The following STIP1 variants were observed in gnomAD, a reference collection of about 807,000 sequenced individuals.
The protein encoded by STIP1 is stress induced phosphoprotein 1, also known as stress-induced-phosphoprotein 1.
A neutral mutation model predicts 77.4 loss-of-function variants in STIP1; 16 were observed. The observed-to-expected ratio is 0.21, with a 90% CI of 0.14 to 0.31. The LOEUF (loss-of-function observed/expected upper bound fraction) is 0.31, where lower values mean the gene tolerates loss of function less well. STIP1 is among the 10% of genes least tolerant of loss of function. The pLI, the probability that STIP1 is intolerant of heterozygous loss-of-function variation, is 1.00. For synonymous variants in STIP1, 258 were observed against 246.6 expected (o/e 1.05, Z -0.44); for missense variants, 524 against 684.8 (o/e 0.77, Z 2.62).
At chr11:64,193,319 C>G in intron 2 of STIP1, 32 bp downstream of exon 2, 1 of 1,607,576 alleles carries the variant, frequency 6.2e-7, no homozygotes, top group Non-Finnish European at 8.5e-7. Context: ...GAGAGAGGCC[C>G]TTCAGACCCT....
chr11:64,186,526 G>A (rs576740712), intron 1 of STIP1: 62 of 310,418 alleles, frequency 2.0e-4, no homozygotes, highest in African/African-American at 1.3e-3. Flanking sequence ...GCTTGGGTGA[G>A]TCCGGCCGGC....
chr11:64,186,064 A>G (rs1591000175), upstream of STIP1: 2 of 1,547,224 alleles, frequency 1.3e-6, no homozygotes, highest in East Asian at 2.4e-5. Context: ...AAGGAAGTGG[A>G]GATGATGGGC....
In STIP1 at chr11:64,194,177, T is replaced by C. The variant is rs755665218; in HGVS notation, c.220-12T>C. On this transcript the variant is annotated splice_polypyrimidine_tract_variant and intron_variant, in intron 2 of 13. Coordinates refer to ENST00000305218, the MANE Select transcript of STIP1 (RefSeq NM_006819.3). Reference sequence around the variant, plus strand: ...GTGTTCTCTATTTTGTGTCTGTCTTTGGTGGTTTAAGGGCTATTCACGAAA... The same window carrying C: ...GTGTTCTCTATTTTGTGTCTGTCTTCGGTGGTTTAAGGGCTATTCACGAAA... The C allele has an allele frequency of 1.2e-6, 2 of 1,609,006 alleles. No individual in the cohort carries two copies. Among genetic ancestry groups the C allele is most frequent in the South Asian group, 2.2e-5 (2 of 89,626 alleles).
At chr11:64,194,107 G>A in intron 2 of STIP1, 82 bp from the exon 3 acceptor site, 1 of 1,541,798 alleles carries the variant, frequency 6.5e-7, no homozygotes, top group Non-Finnish European at 8.7e-7. Flanking sequence ...CCCCATAAAA[G>A]TAGAATTGTT....
intron 1 of STIP1, among the ~76,000 whole-genome samples, chr11:64,188,057 A>G (rs1031953828): frequency 4.8e-5 from 7 of 146,148 alleles, no homozygotes; most frequent in African/African-American, 7.4e-5. Context: ...AAAAAAAAAA[A>G]GGATCTCGGC....
rs1946160277 is a variant in STIP1, at chr11:64,197,197, TG to T, written c.673-73del. The stretch of plus-strand genomic sequence containing the variant: ...TTCATGTTAGTTGCATTTCAGAACT[TG>T]TGACAGATCATAGATTCTTGCTTTG... On this transcript the variant is annotated intron_variant, in intron 5 of 13. Transcript: ENST00000305218. The T allele has an allele frequency of 1.9e-6, 3 of 1,590,248 alleles. No homozygotes were observed. The Admixed American group carries it at 5.4e-5, about 28-fold the overall frequency.
chr11:64,199,447 C>CA (rs1203170406), intron 8 of STIP1, among the ~76,000 whole-genome samples: 2 of 143,096 alleles, frequency 1.4e-5, no homozygotes, highest in Non-Finnish European at 3.0e-5. Flanking sequence ...GCAGAGCTTG[C>CA]AGTGAGCCGA....
intron 5 of STIP1, among the ~76,000 whole-genome samples, chr11:64,196,569 A>G (rs1263691880): frequency 6.6e-6 from 1 of 152,024 alleles, no homozygotes; most frequent in Non-Finnish European, 1.5e-5. Context: ...CCTTGTCGTG[A>G]TCCGAAGAAT....
At chr11:64,203,907 AG>A in intron 13 of STIP1, 146 bp from the exon 14 acceptor site, 1 of 951,540 alleles carries the variant, frequency 1.1e-6, no homozygotes, top group Admixed American at 2.2e-5. Context: ...GAAGTGGAGC[AG>A]GCCTCTGCAG....
chr11:64,195,950 C>T, intron 5 of STIP1, 137 bp downstream of exon 5: 2 of 1,307,960 alleles, frequency 1.5e-6, no homozygotes, highest in Non-Finnish European at 2.1e-6. Context: ...CTGTGTTTCC[C>T]AGGTTGGTCT....
rs1946167315 is a variant in STIP1 at position 64,197,787 on chromosome 11, T to G, written c.903-67T>G. On this transcript the variant is annotated intron_variant, in intron 7 of 13. Coordinates refer to ENST00000305218, the MANE Select transcript of STIP1 (RefSeq NM_006819.3). ...ATGCGGGCCTTTCTAGCTGCAGGTG[T>G]GTTTTTCTGCAGGAGCTGACTTTAT... The G allele has an allele frequency of 3.8e-6, 6 of 1,585,830 alleles. No homozygotes were observed. In the South Asian group the frequency reaches 4.6e-5, roughly 12 times the overall value.
chr11:64,200,535 GTGTGTGTGTA>G (rs1027455643), intron 10 of STIP1, among the ~76,000 whole-genome samples: 11 of 151,538 alleles, frequency 7.3e-5, no homozygotes, highest in Non-Finnish European at 1.2e-4. Context: ...TTATAGGGGT[GTGTGTGTGTA>G]TGTGTGTGTG....
intron 5 of STIP1, chr11:64,197,052 TGGAAA>T: frequency 1.7e-6 from 1 of 580,756 alleles, no homozygotes; most frequent in Non-Finnish European, 3.0e-6. Context: ...GGAGAGTAGG[TGGAAA>T]AGGGGGAGTT....
In STIP1 at chr11:64,204,427, C is replaced by T; in HGVS notation, c.*301C>T. ...TAGTTGGTTTTTTTTTTATTTGGGG[C>T]AGTGGGCATGTTATGGGGAGGGGAG... On this transcript the variant is annotated 3_prime_UTR_variant, in exon 14 of 14. Transcript: ENST00000305218. The T allele has an allele frequency of 2.4e-6, 1 of 417,284 alleles. No individual in the cohort carries two copies. The highest frequency in any genetic ancestry group is 4.3e-6 in the Non-Finnish European group (1 of 234,202). The allele number at this position is 417,284 out of a possible 1,614,324, so 25.8% of individuals were successfully genotyped here.
At chr11:64,186,352 G>T in intron 1 of STIP1, 82 bp downstream of exon 1, 1 of 1,317,390 alleles carries the variant, frequency 7.6e-7, no homozygotes, top group Non-Finnish European at 1.0e-6. Context: ...GGCGGGGCGG[G>T]CGCCGGATCC....
rs202045762 is a variant in STIP1 at position 64,197,474 on chromosome 11, T to C, written c.800-19T>C. ...GAAGCAAAGACTGACTGTTCCTTCT[T>C]AACCATCCTGCCTGGCAGCGGTATA... is the stretch of plus-strand genomic sequence containing the variant. On this transcript the variant is annotated intron_variant, in intron 6 of 13. Coordinates refer to ENST00000305218, the MANE Select transcript of STIP1 (RefSeq NM_006819.3). The C allele has an allele frequency of 6.2e-7, 1 of 1,614,116 alleles. No individual in the cohort carries two copies. The highest frequency in any genetic ancestry group is 2.2e-5 in the East Asian group (1 of 44,884).
At chr11:64,199,360 G>A (rs1946188317) in intron 8 of STIP1, among the ~76,000 whole-genome samples, 1 of 149,932 alleles carries the variant, frequency 6.7e-6, no homozygotes, top group Non-Finnish European at 1.5e-5. Context: ...AAAAAAATTA[G>A]CCTGGTATGG....
chr11:64,195,489 A>G (rs977347769), intron 4 of STIP1, among the ~76,000 whole-genome samples, 156 bp from the exon 5 acceptor site: 9 of 152,220 alleles, frequency 5.9e-5, no homozygotes, highest in Admixed American at 1.3e-4. Context: ...GTATTTCTCA[A>G]TTGTAACTCA....
intron 1 of STIP1, 88 bp downstream of exon 1, chr11:64,186,358 G>A: frequency 3.2e-6 from 3 of 947,358 alleles, no homozygotes; most frequent in East Asian, 6.4e-5. Context: ...GCGGGCGCCG[G>A]ATCCAGGAGA....
Sources: gnomAD v4.1 joint callset for allele counts (sites outside exome capture counted in the v4.1 genomes callset) on GRCh38, gnomAD v4.1.1 for gene constraint, MANE v1.5 for transcripts, NCBI Gene and HGNC (gene_info 2026-07-23, HGNC 2026-07-21) for gene names.